Variants in TUSC3 observed in about 807,000 individuals in gnomAD.
The protein encoded by TUSC3 is dolichyl-diphosphooligosaccharide--protein glycosyltransferase subunit TUSC3.
TUSC3 carries 45 observed loss-of-function variants against 44.8 expected under a neutral mutation model. That is an observed-to-expected ratio of 1.00 (90% CI 0.79 to 1.29). The LOEUF (loss-of-function observed/expected upper bound fraction) is 1.29, where lower values mean the gene tolerates loss of function less well. Among genes scored for constraint, TUSC3 ranks in the 50% most tolerant of loss-of-function variants. The pLI is 0.00. For missense variants in TUSC3, 519 were observed against 437.9 expected, an observed-to-expected ratio of 1.19 and a Z score of -1.65; for synonymous variants, 212 against 152.9, an observed-to-expected ratio of 1.39 and a Z score of -2.85.
At chr8:15,698,946 A>C (rs1305216292) in intron 6 of TUSC3, among the ~76,000 whole-genome samples, 1 of 151,790 alleles carries the variant, frequency 6.6e-6, no homozygotes, top group South Asian at 2.1e-4. Flanking sequence ...TCCTAGGCTC[A>C]AGCCATCCTC....
At chr8:15,483,649 ATTTTTTTT>A (rs60092911) in intron 2 of TUSC3, among the ~76,000 whole-genome samples, 12 of 66,154 alleles carry the variant, frequency 1.8e-4, no homozygotes, top group South Asian at 6.6e-4. Context: ...TAGCACTGTG[ATTTTTTTT>A]TTTTTTTTTT....
chr8:15,842,302 A>T, the TUSC3 span, among the ~76,000 whole-genome samples: 1 of 152,168 alleles, frequency 6.6e-6, no homozygotes, highest in Non-Finnish European at 1.5e-5. Flanking sequence ...GTCACTTAGC[A>T]GTTCTGACCG....
At chr8:15,709,586 A>G (rs1463394457) in intron 6 of TUSC3, among the ~76,000 whole-genome samples, 2 of 151,846 alleles carry the variant, frequency 1.3e-5, no homozygotes, top group African/African-American at 2.4e-5. Flanking sequence ...AGCACGGGGA[A>G]AGCTTGAATG....
the TUSC3 span, among the ~76,000 whole-genome samples, chr8:15,814,865 T>G: frequency 6.6e-6 from 1 of 152,174 alleles, no homozygotes; most frequent in Non-Finnish European, 1.5e-5. Context: ...TATATAAATG[T>G]TGATTGCCTA....
At chr8:15,666,846 A>T (rs775413584) in intron 5 of TUSC3, among the ~76,000 whole-genome samples, 1 of 151,490 alleles carries the variant, frequency 6.6e-6, no homozygotes, top group Admixed American at 6.6e-5. Context: ...AGGTATTTCT[A>T]TGTATAGCCA....
chr8:15,478,523 C>A (rs545582418), intron 1 of TUSC3, among the ~76,000 whole-genome samples: 1 of 152,116 alleles, frequency 6.6e-6, no homozygotes, highest in Admixed American at 6.6e-5. Flanking sequence ...TGAGAACATG[C>A]AATGTTTGGT....
chr8:15,685,049 G>C (rs928102407), intron 6 of TUSC3, among the ~76,000 whole-genome samples: 3 of 152,172 alleles, frequency 2.0e-5, no homozygotes, highest in Non-Finnish European at 4.4e-5. Flanking sequence ...ACTCAGTACA[G>C]CATGGCACAC....
intron 1 of TUSC3, among the ~76,000 whole-genome samples, chr8:15,436,277 A>G (rs1375731843): frequency 6.6e-6 from 1 of 152,198 alleles, no homozygotes; most frequent in Admixed American, 6.5e-5. Flanking sequence ...ACGGTTATCA[A>G]AAGGAAAGGA....
chr8:15,621,091 C>A (rs1219498015), intron 1 of TUSC3, among the ~76,000 whole-genome samples: 1 of 151,644 alleles, frequency 6.6e-6, no homozygotes, highest in Non-Finnish European at 1.5e-5. Flanking sequence ...TCTCTTCTGC[C>A]CTCATTAGTG....
At chr8:15,773,667 T>G in the TUSC3 span, among the ~76,000 whole-genome samples, 1 of 152,076 alleles carries the variant, frequency 6.6e-6, no homozygotes, top group Admixed American at 6.6e-5. Flanking sequence ...ACTCACACTT[T>G]GAAAACTTAA....
At chr8:15,524,018 T>G (rs992440317) in intron 2 of TUSC3, among the ~76,000 whole-genome samples, 11 of 147,210 alleles carry the variant, frequency 7.5e-5, no homozygotes, top group African/African-American at 2.5e-4. Flanking sequence ...ATTGCGCCAC[T>G]GCACTCCAGC....
chr8:15,665,341 G>A (rs1807611949), intron 5 of TUSC3, among the ~76,000 whole-genome samples: 1 of 151,458 alleles, frequency 6.6e-6, no homozygotes, highest in African/African-American at 2.4e-5. Flanking sequence ...TTTTAGTAAA[G>A]GACAAGTCTA....
At chr8:15,738,304 C>G (rs1283308081) in intron 7 of TUSC3, among the ~76,000 whole-genome samples, 1 of 152,156 alleles carries the variant, frequency 6.6e-6, no homozygotes, top group African/African-American at 2.4e-5. Context: ...TAAATTCTTG[C>G]ATTTTAAAAA....
intron 1 of TUSC3, among the ~76,000 whole-genome samples, chr8:15,556,008 ATTTT>A (rs957934710): frequency 1.3e-5 from 2 of 148,380 alleles, no homozygotes; most frequent in Admixed American, 1.3e-4. Context: ...TTTATTTTTT[ATTTT>A]TTTTTTATTA....
intron 1 of TUSC3, among the ~76,000 whole-genome samples, chr8:15,476,494 C>A (rs1018521995): frequency 9.2e-5 from 14 of 152,180 alleles, no homozygotes; most frequent in African/African-American, 3.4e-4. Flanking sequence ...TAAGAGAGGG[C>A]TCACTTATAT....
At chr8:15,636,678 T>C (rs1806093698) in intron 2 of TUSC3, among the ~76,000 whole-genome samples, 1 of 152,236 alleles carries the variant, frequency 6.6e-6, no homozygotes, top group African/African-American at 2.4e-5. Context: ...ACATTTGCAG[T>C]GCAGCCTGTT....
intron 1 of TUSC3, among the ~76,000 whole-genome samples, chr8:15,434,476 T>C (rs529662262): frequency 9.2e-5 from 14 of 152,084 alleles, no homozygotes; most frequent in Non-Finnish European, 1.9e-4. Flanking sequence ...ATGGGACTAG[T>C]TGTTTTATTC....
At chr8:15,813,096 A>G in the TUSC3 span, among the ~76,000 whole-genome samples, 1 of 152,152 alleles carries the variant, frequency 6.6e-6, no homozygotes, top group Non-Finnish European at 1.5e-5. Flanking sequence ...CACGTCTCAA[A>G]AAAAGACAAA....
At chr8:15,750,531 C>CT (rs1045086460) in intron 9 of TUSC3, among the ~76,000 whole-genome samples, 6 of 150,794 alleles carry the variant, frequency 4.0e-5, no homozygotes, top group Middle Eastern at 3.4e-3. Context: ...TTAGTTTGTA[C>CT]TTTTTTTTTC....
Sources: gnomAD v4.1 joint callset for allele counts (sites outside exome capture counted in the v4.1 genomes callset) on GRCh38, gnomAD v4.1.1 for gene constraint, MANE v1.5 for transcripts, NCBI Gene and HGNC (gene_info 2026-07-23, HGNC 2026-07-21) for gene names.